Variants in KCNQ5 observed in about 807,000 individuals in gnomAD.
KCNQ5 encodes the protein potassium voltage-gated channel subfamily KQT member 5.
A neutral mutation model predicts 98.2 loss-of-function variants in KCNQ5; 30 were observed. The ratio of observed to expected loss-of-function variants is 0.31; its 90% CI spans 0.23 to 0.41. The LOEUF (loss-of-function observed/expected upper bound fraction) is 0.41, where lower values mean the gene tolerates loss of function less well. Ranked by LOEUF, KCNQ5 falls within the 10% of genes least tolerant of loss-of-function variation. KCNQ5 has a pLI of 1.00. For missense variants in KCNQ5, 835 were observed against 1,182.5 expected (o/e 0.71, Z 4.31); for synonymous variants, 458 against 449.4 (o/e 1.02, Z -0.24).
intron 1 of KCNQ5, among the ~76,000 whole-genome samples, chr6:72,829,909 T>TATTG (rs1237917179): frequency 6.6e-6 from 1 of 152,148 alleles, no homozygotes; most frequent in African/African-American, 2.4e-5. Context: ...TAGATTTCTG[T>TATTG]ATTGATAGGT....
chr6:73,097,158 TAC>T (rs1554208525), intron 5 of KCNQ5, among the ~76,000 whole-genome samples: 27 of 147,002 alleles, frequency 1.8e-4, no homozygotes, highest in African/African-American at 6.4e-4. Context: ...TATATATATA[TAC>T]ACACACACAT....
intron 1 of KCNQ5, among the ~76,000 whole-genome samples, chr6:72,676,363 C>T (rs1163159286): frequency 1.3e-5 from 2 of 152,012 alleles, no homozygotes; most frequent in Non-Finnish European, 2.9e-5. Flanking sequence ...ATAAAATTTC[C>T]ATCATAAAGT....
At chr6:72,725,039 A>G (rs1018187672) in intron 1 of KCNQ5, among the ~76,000 whole-genome samples, 2 of 152,174 alleles carry the variant, frequency 1.3e-5, no homozygotes, top group African/African-American at 2.4e-5. Flanking sequence ...TAAAGAATAC[A>G]CTACGTTAAA....
At chr6:72,701,258 C>T (rs1768789836) in intron 1 of KCNQ5, among the ~76,000 whole-genome samples, 1 of 152,174 alleles carries the variant, frequency 6.6e-6, no homozygotes, top group Non-Finnish European at 1.5e-5. Context: ...AATTGTTTTA[C>T]TGTAGTTGTG....
At position 73,042,042 on chromosome 6, in the gene KCNQ5, G is replaced by C; in HGVS notation, c.596G>C (p.Arg199Pro). ...RGWQGRLRFA[R>P]KPFCVIDTIV... ...TGGCAAGGAAGACTGAGGTTTGCTCGAAAGCCCTTCTGTGTTATAGGTGAA... is the reference window on the plus strand; with the variant it reads ...TGGCAAGGAAGACTGAGGTTTGCTCCAAAGCCCTTCTGTGTTATAGGTGAA... The change falls in exon 3 of 14, where the codon CGA becomes CCA. Residue 199 changes from arginine to proline, a missense_variant. By Grantham distance (103) the Arg-to-Pro change is moderately radical (BLOSUM62 -2). Coordinates refer to ENST00000370398, the MANE Select transcript of KCNQ5 (RefSeq NM_019842.4). 6.2e-7 allele frequency: 1 copy of C among 1,613,884 alleles called. No homozygotes were observed.
chr6:72,978,552 T>G (rs773901240), intron 1 of KCNQ5, among the ~76,000 whole-genome samples: 3 of 152,214 alleles, frequency 2.0e-5, no homozygotes, highest in Non-Finnish European at 4.4e-5. Context: ...GAGACAACAA[T>G]TAAGAAGAAT....
At chr6:73,027,740 A>C (rs1032616704) in intron 2 of KCNQ5, among the ~76,000 whole-genome samples, 7 of 152,224 alleles carry the variant, frequency 4.6e-5, no homozygotes, top group Non-Finnish European at 8.8e-5. Flanking sequence ...TAAATAATAC[A>C]AAAATAAGCA....
intron 5 of KCNQ5, among the ~76,000 whole-genome samples, chr6:73,093,425 G>A (rs1774339470): frequency 6.6e-6 from 1 of 152,128 alleles, no homozygotes; most frequent in African/African-American, 2.4e-5. Context: ...TCTGATCGTG[G>A]TTATTTCCTT....
intron 1 of KCNQ5, among the ~76,000 whole-genome samples, chr6:72,926,012 C>T (rs573733944): frequency 2.0e-4 from 30 of 152,192 alleles, no homozygotes; most frequent in East Asian, 7.7e-4. Flanking sequence ...TTTGTGAAAA[C>T]GACATAAGAA....
intron 1 of KCNQ5, among the ~76,000 whole-genome samples, chr6:72,673,921 A>G (rs1397326473): frequency 3.9e-5 from 6 of 152,236 alleles, no homozygotes; most frequent in Non-Finnish European, 8.8e-5. Context: ...TTCTCAAACT[A>G]GAAGTTCTCC....
At chr6:72,832,700 C>A (rs1335200895) in intron 1 of KCNQ5, among the ~76,000 whole-genome samples, 1 of 152,192 alleles carries the variant, frequency 6.6e-6, no homozygotes, top group Non-Finnish European at 1.5e-5. Flanking sequence ...ATTCTTCCTG[C>A]ACACTTCTCT....
chr6:73,089,716 T>C (rs1200906302), intron 5 of KCNQ5, among the ~76,000 whole-genome samples: 6 of 152,178 alleles, frequency 3.9e-5, no homozygotes, highest in African/African-American at 1.4e-4. Flanking sequence ...CAATCTCATC[T>C]AGGTGGCTGC....
chr6:72,807,782 C>A (rs3924067), intron 1 of KCNQ5, among the ~76,000 whole-genome samples: 113,105 of 152,126 alleles, frequency 0.74, 43,203 homozygotes, highest in African/African-American at 0.94. Flanking sequence ...CTAAAGTGTG[C>A]GCCTCCACAC....
At chr6:73,111,454 G>A in intron 7 of KCNQ5, 51 bp downstream of exon 7, 3 of 1,184,612 alleles carry the variant, frequency 2.5e-6, no homozygotes, top group Non-Finnish European at 3.7e-6. Flanking sequence ...CATAGTGCTT[G>A]ATGGGTCATT....
intron 1 of KCNQ5, among the ~76,000 whole-genome samples, chr6:72,714,498 T>C (rs1769541214): frequency 6.6e-6 from 1 of 152,168 alleles, no homozygotes; most frequent in African/African-American, 2.4e-5. Flanking sequence ...CCATGCAATA[T>C]TGTTAAATAC....
chr6:72,873,862 G>A (rs187573113), intron 1 of KCNQ5, among the ~76,000 whole-genome samples: 36 of 151,746 alleles, frequency 2.4e-4, no homozygotes, highest in African/African-American at 7.5e-4. Flanking sequence ...GCATATAAAC[G>A]TATATCTTTT....
intron 1 of KCNQ5, among the ~76,000 whole-genome samples, chr6:72,676,768 A>G (rs921894803): frequency 8.6e-6 from 1 of 116,874 alleles, no homozygotes; most frequent in Non-Finnish European, 2.0e-5. Context: ...AAATATTTTT[A>G]TGTGGAGTTG....
chr6:73,127,274 C>T (rs1776028145), intron 9 of KCNQ5, among the ~76,000 whole-genome samples: 1 of 152,128 alleles, frequency 6.6e-6, no homozygotes, highest in South Asian at 2.1e-4. Context: ...TAATTAACAC[C>T]ACCCAACTGC....
chr6:72,836,920 CTG>C (rs1210187251), intron 1 of KCNQ5, among the ~76,000 whole-genome samples: 1 of 152,092 alleles, frequency 6.6e-6, no homozygotes, highest in East Asian at 1.9e-4. Context: ...TGATAAATAA[CTG>C]GAATTCATCT....
Sources: gnomAD v4.1 joint callset for allele counts (sites outside exome capture counted in the v4.1 genomes callset) on GRCh38, gnomAD v4.1.1 for gene constraint, MANE v1.5 for transcripts, NCBI Gene and HGNC (gene_info 2026-07-23, HGNC 2026-07-21) for gene names.